OLA1: variants seen among roughly 807,000 people sequenced by gnomAD.
The protein encoded by OLA1 is Obg like ATPase 1, also known as obg-like ATPase 1.
In OLA1, 14 loss-of-function variants were observed where a neutral mutation model predicts 48.4. The ratio of observed to expected loss-of-function variants is 0.29; its 90% CI spans 0.19 to 0.45. The LOEUF (loss-of-function observed/expected upper bound fraction) is 0.45, where lower values mean the gene tolerates loss of function less well. OLA1 is among the 20% of genes least tolerant of loss of function. OLA1 has a pLI of 1.00. For missense variants in OLA1, 325 were observed against 467.1 expected, an observed-to-expected ratio of 0.70 and a Z score of 2.80; for synonymous variants, 127 against 150.4, an observed-to-expected ratio of 0.84 and a Z score of 1.14.
At chr2:174,210,329 G>A (rs955616127) in intron 4 of OLA1, among the ~76,000 whole-genome samples, 2 of 151,934 alleles carry the variant, frequency 1.3e-5, no homozygotes, top group Non-Finnish European at 2.9e-5. Context: ...TGGGAACAGG[G>A]GCAAACATGA....
At chr2:174,247,420 A>T in intron 1 of OLA1, 1 of 404,208 alleles carries the variant, frequency 2.5e-6, no homozygotes. Flanking sequence ...GGAATCAAAG[A>T]TAAACTTAGA....
intron 4 of OLA1, among the ~76,000 whole-genome samples, chr2:174,176,124 G>T (rs1434635159): frequency 6.6e-6 from 1 of 151,974 alleles, no homozygotes; most frequent in Non-Finnish European, 1.5e-5. Context: ...CTACGACTGT[G>T]TACAATAAAC....
chr2:174,148,620 C>T (rs767518795), intron 4 of OLA1, among the ~76,000 whole-genome samples: 23 of 152,144 alleles, frequency 1.5e-4, no homozygotes, highest in Admixed American at 2.6e-4. Context: ...CTTTTCAAAC[C>T]TTCTTGACTT....
chr2:174,082,048 CT>C lies in OLA1; in HGVS notation c.744del (p.Glu249SerfsTer26). Reference protein sequence around the residue: ...RKKNKWLIKIKEWVDKYDPGA... With the variant: ...RKKNKWLIKIXEWVDKYDPGA... ...CCTGGGTCATACTTGTCCACCCACT[CT>C]TTAATTTTTATCAACCTGTAGACAA... On this transcript the variant is annotated frameshift_variant, in exon 8 of 11. Transcript: ENST00000284719. LOFTEE classifies it high-confidence loss of function. 1 of 1,613,332 alleles carries C rather than the reference CT, an allele frequency of 6.2e-7. No individual in the cohort carries two copies.
chr2:174,169,538 C>A (rs571512790), intron 4 of OLA1, among the ~76,000 whole-genome samples: 1 of 152,066 alleles, frequency 6.6e-6, no homozygotes, highest in Admixed American at 6.5e-5. Context: ...TTAAACAGAC[C>A]TGTCAACCAA....
chr2:174,199,104 G>A (rs1428529515), intron 4 of OLA1, among the ~76,000 whole-genome samples: 1 of 152,106 alleles, frequency 6.6e-6, no homozygotes, highest in Non-Finnish European at 1.5e-5. Context: ...TGCATAAAAT[G>A]TTTCTGCTAC....
intron 7 of OLA1, among the ~76,000 whole-genome samples, chr2:174,110,404 G>A (rs1685621006): frequency 6.9e-6 from 1 of 145,656 alleles, no homozygotes; most frequent in Non-Finnish European, 1.5e-5. Flanking sequence ...TGCCCACCTC[G>A]GCCTCCCAAA....
chr2:174,148,414 C>A (rs1353221272), intron 4 of OLA1, among the ~76,000 whole-genome samples: 4 of 152,046 alleles, frequency 2.6e-5, no homozygotes, highest in African/African-American at 9.7e-5. Flanking sequence ...AAACAAAAAA[C>A]ACAATAAACA....
At chr2:174,190,635 G>A (rs1347511770) in intron 4 of OLA1, among the ~76,000 whole-genome samples, 1 of 151,796 alleles carries the variant, frequency 6.6e-6, no homozygotes, top group African/African-American at 2.4e-5. Context: ...TGATTTACCT[G>A]AAAGTTACAA....
intron 2 of OLA1, among the ~76,000 whole-genome samples, chr2:174,239,297 C>A (rs1210897404): frequency 6.6e-6 from 1 of 152,104 alleles, no homozygotes; most frequent in Non-Finnish European, 1.5e-5. Flanking sequence ...GGAAAAATAA[C>A]CCTTTCAGTG....
chr2:174,143,992 T>C (rs1208192100), intron 4 of OLA1, among the ~76,000 whole-genome samples: 1 of 147,818 alleles, frequency 6.8e-6, no homozygotes, highest in East Asian at 2.1e-4. Context: ...TACTCTTGGC[T>C]ACTGGGGAGG....
At position 174,089,062 on chromosome 2, in the gene OLA1, A is replaced by G. The variant is rs571848163; in HGVS notation, c.729-6998T>C. Among the ~76,000 whole-genome samples, 91 of 151,530 alleles carry G rather than the reference A, an allele frequency of 6.0e-4. No individual in the cohort carries two copies. In the South Asian group the frequency reaches 8.6e-3, roughly 14 times the overall value. The stretch of plus-strand genomic sequence containing the variant: ...TGTGTGATAGAAATGCAGGAATCTT[A>G]GCTGGTCATGGTGGTTCACACATGT... On this transcript the variant is annotated intron_variant, in intron 7 of 10. Coordinates refer to ENST00000284719, the MANE Select transcript of OLA1 (RefSeq NM_013341.5).
chr2:174,240,858 T>C (rs1688983179), intron 2 of OLA1, among the ~76,000 whole-genome samples: 1 of 152,170 alleles, frequency 6.6e-6, no homozygotes, highest in African/African-American at 2.4e-5. Flanking sequence ...GGCAGACTTC[T>C]AGGAACACAT....
intron 4 of OLA1, among the ~76,000 whole-genome samples, chr2:174,164,093 C>T (rs2105399579): frequency 6.6e-6 from 1 of 151,960 alleles, no homozygotes; most frequent in East Asian, 2.0e-4. Flanking sequence ...TCCCTTTACT[C>T]ATTCTGTCTC....
At chr2:174,149,107 T>G (rs767202362) in intron 4 of OLA1, among the ~76,000 whole-genome samples, 1 of 152,178 alleles carries the variant, frequency 6.6e-6, no homozygotes, top group Non-Finnish European at 1.5e-5. Context: ...TTTCCGCCTA[T>G]TTACAACTCA....
chr2:174,142,326 T>C (rs1050234571), intron 4 of OLA1, among the ~76,000 whole-genome samples: 15 of 152,298 alleles, frequency 9.8e-5, no homozygotes, highest in Middle Eastern at 3.4e-3. Flanking sequence ...GCATGAAAGA[T>C]TGAAGTTCTA....
intron 4 of OLA1, among the ~76,000 whole-genome samples, chr2:174,187,150 T>C (rs904217773): frequency 5.3e-5 from 8 of 152,228 alleles, no homozygotes; most frequent in Non-Finnish European, 7.3e-5. Flanking sequence ...CTCTATTCAA[T>C]TTTTAAAATT....
chr2:174,085,970 G>A (rs1031462017), intron 7 of OLA1, among the ~76,000 whole-genome samples: 1 of 152,090 alleles, frequency 6.6e-6, no homozygotes, highest in African/African-American at 2.4e-5. Context: ...GTTGGTTCCT[G>A]CATATGGGCT....
At chr2:174,222,410 T>C (rs1688525856) in intron 4 of OLA1, among the ~76,000 whole-genome samples, 1 of 152,188 alleles carries the variant, frequency 6.6e-6, no homozygotes, top group Admixed American at 6.5e-5. Context: ...CTCATTATAA[T>C]ACTATTAACA....
Sources: allele counts gnomAD v4.1 joint callset (sites outside exome capture counted in the v4.1 genomes callset), GRCh38; gene constraint gnomAD v4.1.1; transcripts MANE v1.5; gene names NCBI Gene and HGNC (gene_info 2026-07-23, HGNC 2026-07-21).